Variants in DYNC1I1 observed in about 807,000 individuals in gnomAD.
DYNC1I1 encodes the protein dynein cytoplasmic 1 intermediate chain 1.
DYNC1I1 carries 43 observed loss-of-function variants against 86.6 expected under a neutral mutation model. The observed-to-expected ratio is 0.50, with a 90% confidence interval of 0.39 to 0.64. DYNC1I1 has a LOEUF of 0.64. Among genes scored for constraint, DYNC1I1 ranks in the 30% least tolerant of loss-of-function variants. The pLI, the probability that DYNC1I1 is intolerant of heterozygous loss-of-function variation, is 0.00. For synonymous variants in DYNC1I1, 262 were observed against 283.7 expected (o/e 0.92, Z 0.77); for missense variants, 604 against 788.8 (o/e 0.77, Z 2.81).
At chr7:95,835,895 C>T (rs1452191644) in intron 5 of DYNC1I1, among the ~76,000 whole-genome samples, 1 of 152,136 alleles carries the variant, frequency 6.6e-6, no homozygotes, top group East Asian at 1.9e-4. Context: ...TTCCTGAATA[C>T]AGCACACTGA....
rs1220297255 is a variant in DYNC1I1 at position 96,108,878 on chromosome 7, G to T, written c.1543-1101G>T. Among the ~76,000 whole-genome samples, 29 of 137,898 alleles carry T rather than the reference G, an allele frequency of 2.1e-4. No individual in the cohort carries two copies. In the East Asian group the frequency reaches 5.7e-3, roughly 27 times the overall value. 90.5% of individuals were successfully genotyped at this position (137,898 alleles called of 152,430 possible). On this transcript the variant is annotated intron_variant, in intron 16 of 16. Transcript: ENST00000537881. ...TCTGTCTCAAAAAAAAAAAAAAAAA[G>T]ATTTTTAAGCTAAGAATTCAAGTAG...
At chr7:95,833,030 A>G (rs1340147453) in intron 5 of DYNC1I1, among the ~76,000 whole-genome samples, 2 of 149,352 alleles carry the variant, frequency 1.3e-5, no homozygotes, top group Admixed American at 1.3e-4. Context: ...TGTTTTAGAC[A>G]TGAAGTCCTA....
At chr7:95,773,097 C>T (rs562521139) in intron 1 of DYNC1I1, among the ~76,000 whole-genome samples, 102 of 152,300 alleles carry the variant, frequency 6.7e-4, no homozygotes, top group Non-Finnish European at 9.0e-4. Flanking sequence ...CGGTCTTCCC[C>T]GGGGGAGCAG....
chr7:95,892,256 C>A (rs1183558399), intron 6 of DYNC1I1, among the ~76,000 whole-genome samples: 2 of 152,004 alleles, frequency 1.3e-5, no homozygotes, highest in Admixed American at 1.3e-4. Context: ...CCTGCCTCAG[C>A]CTCCTGAGTA....
At chr7:96,020,481 TG>T (rs1445679690) in intron 10 of DYNC1I1, among the ~76,000 whole-genome samples, 1 of 152,142 alleles carries the variant, frequency 6.6e-6, no homozygotes, top group Non-Finnish European at 1.5e-5. Context: ...GGGAAAGACC[TG>T]CCCCCATGAT....
At chr7:95,894,722 TA>T (rs1790832704) in intron 6 of DYNC1I1, among the ~76,000 whole-genome samples, 1 of 152,200 alleles carries the variant, frequency 6.6e-6, no homozygotes, top group Admixed American at 6.5e-5. Context: ...TCCTGTAGCA[TA>T]AAAATCTGTG....
chr7:95,791,741 C>A (rs2115720915), intron 1 of DYNC1I1, among the ~76,000 whole-genome samples: 1 of 152,132 alleles, frequency 6.6e-6, no homozygotes, highest in Admixed American at 6.5e-5. Context: ...AGTCGGAAAA[C>A]AGAGATTAAA....
At chr7:95,825,610 G>C (rs1795187547) in intron 4 of DYNC1I1, among the ~76,000 whole-genome samples, 1 of 152,180 alleles carries the variant, frequency 6.6e-6, no homozygotes, top group Non-Finnish European at 1.5e-5. Context: ...AATGAATTCA[G>C]AGCAGGGGTT....
chr7:96,088,645 C>T (rs897165789), intron 16 of DYNC1I1, among the ~76,000 whole-genome samples: 7 of 152,132 alleles, frequency 4.6e-5, no homozygotes, highest in Non-Finnish European at 7.4e-5. Context: ...ATCTGTGAAT[C>T]GAGATTAACC....
chr7:95,946,408 A>C (rs1033490459), intron 6 of DYNC1I1, among the ~76,000 whole-genome samples: 8 of 152,224 alleles, frequency 5.3e-5, no homozygotes, highest in Non-Finnish European at 1.0e-4. Context: ...TTGGAAAAGC[A>C]CATAAGCATG....
intron 5 of DYNC1I1, among the ~76,000 whole-genome samples, chr7:95,861,835 C>T (rs974264872): frequency 2.0e-5 from 3 of 152,174 alleles, no homozygotes; most frequent in Non-Finnish European, 4.4e-5. Context: ...GATGGGGTCT[C>T]TCCCCTTGAA....
In DYNC1I1 at chr7:95,813,314, A is replaced by C; in HGVS notation, c.291A>C (p.Ser97=). The C allele has an allele frequency of 6.2e-7, 1 of 1,612,450 alleles. No individual in the cohort carries two copies. ...CCAGTGAAGCTGGAAGCCAAGACTCAGGCGATCTGGGGCCATTAACAAGGT... is the reference window on the plus strand; with the variant it reads ...CCAGTGAAGCTGGAAGCCAAGACTCCGGCGATCTGGGGCCATTAACAAGGT... ...STPSEAGSQD[S]GDLGPLTRTL... The change falls in exon 4 of 17, where the codon TCA becomes TCC. Residue 97 remains serine (S), a synonymous_variant. Coordinates refer to ENST00000447467, the MANE Select transcript of DYNC1I1 (RefSeq NM_001135556.2).
At chr7:95,888,109 C>G (rs1790643670) in intron 6 of DYNC1I1, among the ~76,000 whole-genome samples, 1 of 152,126 alleles carries the variant, frequency 6.6e-6, no homozygotes, top group African/African-American at 2.4e-5. Flanking sequence ...GAGAATAACA[C>G]CTATCATTTG....
chr7:95,845,627 A>G lies in DYNC1I1; in HGVS notation c.374+17511A>G, dbSNP rs1008424422. On this transcript the variant is annotated intron_variant, in intron 5 of 16. Transcript: ENST00000447467. ...ACCTCTGCCTCTTCAGTAACACTCA[A>G]TCACACTTTCCACAGAAATTGAAAT... is the stretch of plus-strand genomic sequence containing the variant. Among the ~76,000 whole-genome samples, 31 of 152,310 alleles carry G rather than the reference A, an allele frequency of 2.0e-4. 1 individual carries two copies. Among genetic ancestry groups the G allele is most frequent in the Non-Finnish European group, 1.2e-4 (8 of 68,020 alleles).
intron 5 of DYNC1I1, among the ~76,000 whole-genome samples, chr7:95,839,976 G>A (rs1789235704): frequency 6.6e-6 from 1 of 152,036 alleles, no homozygotes; most frequent in Non-Finnish European, 1.5e-5. Context: ...ATAGCAAGTA[G>A]CCATTTTCTT....
chr7:95,915,665 T>C (rs1343276617), intron 6 of DYNC1I1, among the ~76,000 whole-genome samples: 3 of 152,214 alleles, frequency 2.0e-5, no homozygotes, highest in Non-Finnish European at 4.4e-5. Context: ...GGCAAATTGC[T>C]GTCAAATAAA....
intron 6 of DYNC1I1, among the ~76,000 whole-genome samples, chr7:95,929,199 C>G (rs887895779): frequency 2.1e-4 from 32 of 152,116 alleles, no homozygotes; most frequent in Non-Finnish European, 5.9e-5. Context: ...TCCCAGGGTG[C>G]CCATGCCTAG....
chr7:96,004,739 T>C (rs766280679), intron 10 of DYNC1I1, among the ~76,000 whole-genome samples: 4 of 151,906 alleles, frequency 2.6e-5, no homozygotes, highest in Non-Finnish European at 5.9e-5. Context: ...ATAGTAACAT[T>C]GATGGTTTGC....
chr7:95,784,894 A>G (rs1794088283), intron 1 of DYNC1I1, among the ~76,000 whole-genome samples: 2 of 152,162 alleles, frequency 1.3e-5, no homozygotes, highest in South Asian at 4.2e-4. Context: ...AGAACTTTGT[A>G]TTATTCTTTC....
Sources: allele counts gnomAD v4.1 joint callset (sites outside exome capture counted in the v4.1 genomes callset), GRCh38; gene constraint gnomAD v4.1.1; transcripts MANE v1.5; gene names NCBI Gene and HGNC (gene_info 2026-07-23, HGNC 2026-07-21).